Variants in GATAD2A observed in about 807,000 individuals in gnomAD.
The protein encoded by GATAD2A is GATA zinc finger domain containing 2A, also known as transcriptional repressor p66-alpha.
GATAD2A carries 12 observed loss-of-function variants against 68.5 expected under a neutral mutation model. That is an observed-to-expected ratio of 0.18 (90% CI 0.11 to 0.28). The LOEUF (loss-of-function observed/expected upper bound fraction) is 0.28, where lower values mean the gene tolerates loss of function less well. GATAD2A is among the 10% of genes least tolerant of loss of function. The pLI, the probability that GATAD2A is intolerant of heterozygous loss-of-function variation, is 1.00. For missense variants in GATAD2A, 755 were observed against 868.5 expected (o/e 0.87, Z 1.64); for synonymous variants, 410 against 375.3 (o/e 1.09, Z -1.07).
At chr19:19,492,815 G>A in intron 4 of GATAD2A, 103 bp downstream of exon 4, 34 of 1,201,832 alleles carry the variant, frequency 2.8e-5, no homozygotes, top group Non-Finnish European at 4.0e-5. Flanking sequence ...GGGCTTCCTT[G>A]AGGGAGTATA....
intron 1 of GATAD2A, among the ~76,000 whole-genome samples, chr19:19,394,710 C>T (rs901525256): frequency 6.6e-6 from 1 of 152,092 alleles, no homozygotes; most frequent in Non-Finnish European, 1.5e-5. Context: ...TCCCAAAGTG[C>T]TGGGATTACA....
At chr19:19,484,916 T>C (rs2059331855) in intron 2 of GATAD2A, among the ~76,000 whole-genome samples, 1 of 152,234 alleles carries the variant, frequency 6.6e-6, no homozygotes, top group Non-Finnish European at 1.5e-5. Context: ...CTGGCTTGAC[T>C]CACTTCACTC....
chr19:19,484,518 CTTTTTTTTTTTTTCTTTTTTT>C, intron 2 of GATAD2A, among the ~76,000 whole-genome samples: 1 of 114,480 alleles, frequency 8.7e-6, no homozygotes, highest in East Asian at 2.5e-4. Flanking sequence ...TTTTCTTTTT[CTTTTTTTTTTTTTCTTTTTTT>C]TTTTTTTTTT....
intron 1 of GATAD2A, among the ~76,000 whole-genome samples, chr19:19,462,806 C>T (rs1352488666): frequency 6.6e-6 from 1 of 152,240 alleles, no homozygotes. Flanking sequence ...ATCTGGCTGT[C>T]AGTTCCACCT....
chr19:19,388,778 C>T (rs2048637513), intron 1 of GATAD2A, among the ~76,000 whole-genome samples: 2 of 152,048 alleles, frequency 1.3e-5, no homozygotes, highest in East Asian at 3.9e-4. Context: ...ACCTTCCCTC[C>T]CCGTGCTGAA....
At chr19:19,434,438 T>C (rs2054093380) in intron 1 of GATAD2A, among the ~76,000 whole-genome samples, 1 of 152,214 alleles carries the variant, frequency 6.6e-6, no homozygotes, top group African/African-American at 2.4e-5. Context: ...GGTCTTTCCA[T>C]AGAGTTCACT....
chr19:19,504,934 G>A (rs570257624), intron 11 of GATAD2A, among the ~76,000 whole-genome samples: 1 of 152,104 alleles, frequency 6.6e-6, no homozygotes, highest in Non-Finnish European at 1.5e-5. Flanking sequence ...CTGAGCCTCC[G>A]TGCCCAGCTA....
At chr19:19,452,199 C>T (rs1270523421) in intron 1 of GATAD2A, among the ~76,000 whole-genome samples, 1 of 152,150 alleles carries the variant, frequency 6.6e-6, no homozygotes, top group Non-Finnish European at 1.5e-5. Flanking sequence ...TTCTGCCTTT[C>T]CTACAGGGTC....
intron 1 of GATAD2A, among the ~76,000 whole-genome samples, chr19:19,421,027 C>T (rs1568269433): frequency 6.6e-6 from 1 of 152,188 alleles, no homozygotes; most frequent in Non-Finnish European, 1.5e-5. Context: ...AGTTTGAATC[C>T]AGGTGCCTAG....
upstream of GATAD2A, among the ~76,000 whole-genome samples, chr19:19,401,578 C>T (rs2049755867): frequency 1.3e-5 from 2 of 151,984 alleles, no homozygotes; most frequent in Admixed American, 6.6e-5. Flanking sequence ...TTCAGTGGCA[C>T]CAGCCTGTCA....
rs1413878395 is a variant in GATAD2A at position 19,498,656 on chromosome 19, G to A, written c.1138G>A (p.Ala380Thr). ...APEMNFLPSA[A>T]NNEFIYLVGL... ...AGAGATGAACTTCCTGCCCAGCGCC[G>A]CCAACAACGAGTTCATCTACCTGGT... is the stretch of plus-strand genomic sequence containing the variant. The change falls in exon 8 of 12, where the codon GCC becomes ACC. Residue 380 changes from alanine to threonine, a missense_variant. Transcript: ENST00000683918. 5 of 1,613,640 alleles carry A rather than the reference G, an allele frequency of 3.1e-6. No individual in the cohort carries two copies. The highest frequency in any genetic ancestry group is 1.1e-5 in the South Asian group (1 of 91,086).
chr19:19,501,115 C>G lies in GATAD2A; in HGVS notation c.1205-3C>G. The G allele has an allele frequency of 6.2e-7, 1 of 1,606,534 alleles. No homozygotes were observed. The highest frequency in any genetic ancestry group is 8.5e-7 in the Non-Finnish European group (1 of 1,174,628). On this transcript the variant is annotated splice_polypyrimidine_tract_variant and splice_region_variant and intron_variant, in intron 8 of 11. Transcript: ENST00000683918. ...ACGTGAGCCATGTGCTGTCTGCTTGCAGCAGGCAGGATGTCGGCCGCCACT... is the reference window on the plus strand; with the variant it reads ...ACGTGAGCCATGTGCTGTCTGCTTGGAGCAGGCAGGATGTCGGCCGCCACT...
intron 1 of GATAD2A, among the ~76,000 whole-genome samples, chr19:19,460,417 G>A (rs972742878): frequency 6.6e-6 from 1 of 152,180 alleles, no homozygotes; most frequent in Non-Finnish European, 1.5e-5. Flanking sequence ...CACAGCTAGC[G>A]AGGCTAGCAC....
chr19:19,422,661 G>C (rs1204336799), intron 1 of GATAD2A, among the ~76,000 whole-genome samples: 1 of 152,048 alleles, frequency 6.6e-6, no homozygotes, highest in Non-Finnish European at 1.5e-5. Flanking sequence ...ACATTGTCAA[G>C]GAGGTGTGGA....
chr19:19,419,510 CTTTTTTT>C (rs57019208), intron 1 of GATAD2A, among the ~76,000 whole-genome samples: 6 of 110,612 alleles, frequency 5.4e-5, no homozygotes, highest in Non-Finnish European at 9.1e-5. Flanking sequence ...ATCTCTACAT[CTTTTTTT>C]TTTTTTTTTT....
intron 1 of GATAD2A, among the ~76,000 whole-genome samples, chr19:19,462,035 G>C (rs1326872579): frequency 1.3e-5 from 2 of 152,198 alleles, no homozygotes; most frequent in Non-Finnish European, 2.9e-5. Flanking sequence ...CCTGTCACTG[G>C]GAATTTTGAA....
intron 1 of GATAD2A, among the ~76,000 whole-genome samples, chr19:19,418,638 A>G (rs1461914658): frequency 2.0e-5 from 3 of 152,184 alleles, no homozygotes; most frequent in East Asian, 3.9e-4. Flanking sequence ...TTTTCCAGAA[A>G]GACCCAGAGC....
chr19:19,408,737 G>A (rs985484976), intron 1 of GATAD2A, among the ~76,000 whole-genome samples: 2 of 152,190 alleles, frequency 1.3e-5, no homozygotes, highest in Non-Finnish European at 2.9e-5. Context: ...AGAGTTTATA[G>A]TGAGATTAGT....
At chr19:19,462,372 G>A (rs968847749) in intron 1 of GATAD2A, among the ~76,000 whole-genome samples, 6 of 152,240 alleles carry the variant, frequency 3.9e-5, no homozygotes, top group African/African-American at 1.4e-4. Flanking sequence ...TCCTGCCAAA[G>A]GAGCCCCCTG....
Sources: gnomAD v4.1 joint callset for allele counts (sites outside exome capture counted in the v4.1 genomes callset) on GRCh38, gnomAD v4.1.1 for gene constraint, MANE v1.5 for transcripts, NCBI Gene and HGNC (gene_info 2026-07-23, HGNC 2026-07-21) for gene names.